The following POLB variants were observed in gnomAD, a reference collection of about 807,000 sequenced individuals.
The protein encoded by POLB is DNA polymerase beta, also known as 5'-dRP lyase.
In POLB, 37 loss-of-function variants were observed where a neutral mutation model predicts 52.7. The ratio of observed to expected loss-of-function variants is 0.70; its 90% CI spans 0.54 to 0.92. The LOEUF is 0.92. Ranked by LOEUF, POLB falls within the 40% of genes least tolerant of loss-of-function variation. POLB has a pLI of 0.00. For synonymous variants in POLB, 138 were observed against 131.3 expected, an observed-to-expected ratio of 1.05 and a Z score of -0.35; for missense variants, 313 against 400.8, an observed-to-expected ratio of 0.78 and a Z score of 1.87.
At chr8:42,365,403 T>C (rs1336581612) in intron 11 of POLB, among the ~76,000 whole-genome samples, 1 of 152,238 alleles carries the variant, frequency 6.6e-6, no homozygotes, top group African/African-American at 2.4e-5. Flanking sequence ...GGCTTGTGTA[T>C]GCCCCATGAA....
intron 11 of POLB, chr8:42,368,995 G>C: frequency 7.9e-6 from 2 of 252,580 alleles, no homozygotes; most frequent in Non-Finnish European, 7.5e-6. Context: ...TTCGTGTTCA[G>C]GGTTTTCTTT....
chr8:42,354,550 A>AT (rs951031485), intron 6 of POLB: 492 of 976,284 alleles, frequency 5.0e-4, no homozygotes, highest in Non-Finnish European at 6.3e-4. Context: ...TTTCAATGGA[A>AT]TTTTTTTTTG....
At chr8:42,342,906 G>A (rs906846579) in intron 2 of POLB, among the ~76,000 whole-genome samples, 1 of 152,130 alleles carries the variant, frequency 6.6e-6, no homozygotes, top group African/African-American at 2.4e-5. Context: ...AGCTATCCAA[G>A]GGCTGCGTGT....
At chr8:42,363,144 A>G (rs544205888) in intron 11 of POLB, among the ~76,000 whole-genome samples, 19 of 151,960 alleles carry the variant, frequency 1.3e-4, no homozygotes, top group Non-Finnish European at 2.1e-4. Context: ...AGAAAGAAAA[A>G]TAATCAGCAG....
intron 9 of POLB, 196 bp from the exon 10 acceptor site, chr8:42,361,099 C>A: frequency 1.4e-6 from 1 of 691,344 alleles, no homozygotes; most frequent in Non-Finnish European, 2.6e-6. Context: ...ATCACAGATT[C>A]TGCTGTCTAC....
In POLB at chr8:42,361,375, A is replaced by G; in HGVS notation, c.621+10A>G. Reference sequence around the variant, plus strand: ...AGAATCAACCAAACAGGTGCCTCAGAGTTTATAATCAATGGTGATCAGTCT... The same window carrying G: ...AGAATCAACCAAACAGGTGCCTCAGGGTTTATAATCAATGGTGATCAGTCT... On this transcript the variant is annotated intron_variant, in intron 10 of 13. Transcript: ENST00000265421. The G allele has an allele frequency of 6.4e-7, 1 of 1,566,474 alleles. No individual in the cohort carries two copies. Among genetic ancestry groups the G allele is most frequent in the Non-Finnish European group, 8.8e-7 (1 of 1,136,430 alleles).
chr8:42,361,719 TGAA>T (rs1585908216), intron 10 of POLB: 1 of 180,532 alleles, frequency 5.5e-6, no homozygotes, highest in East Asian at 1.6e-4. Context: ...AGAAAACCTG[TGAA>T]GGCAAAACAT....
At chr8:42,366,276 T>C (rs565555999) in intron 11 of POLB, among the ~76,000 whole-genome samples, 45 of 152,254 alleles carry the variant, frequency 3.0e-4, no homozygotes, top group African/African-American at 9.9e-4. Context: ...ATAGACCCTA[T>C]CTTGACTTCC....
intron 9 of POLB, among the ~76,000 whole-genome samples, chr8:42,358,305 A>G (rs913665237): frequency 6.6e-6 from 1 of 152,020 alleles, no homozygotes; most frequent in Non-Finnish European, 1.5e-5. Flanking sequence ...GATCGAGACT[A>G]TCCTGGCTAA....
chr8:42,362,227 T>G (rs3136777), intron 10 of POLB, among the ~76,000 whole-genome samples: 1,767 of 151,820 alleles, frequency 0.012, 30 homozygotes, highest in South Asian at 0.032. Flanking sequence ...GCCACTGCAC[T>G]CCAGCCTGGC....
chr8:42,338,904 A>G, intron 1 of POLB, 108 bp from the exon 2 acceptor site: 1 of 1,058,176 alleles, frequency 9.5e-7, no homozygotes, highest in Non-Finnish European at 1.5e-6. Flanking sequence ...CCCTTGGAGG[A>G]AACGGGTGGT....
At chr8:42,359,987 G>A (rs572567782) in intron 9 of POLB, among the ~76,000 whole-genome samples, 27 of 150,392 alleles carry the variant, frequency 1.8e-4, no homozygotes, top group South Asian at 6.4e-4. Context: ...TCGCTTTGTC[G>A]CCCAGGCTGG....
chr8:42,344,467 C>T (rs1448572016), intron 2 of POLB, among the ~76,000 whole-genome samples: 1 of 142,120 alleles, frequency 7.0e-6, no homozygotes. Flanking sequence ...AAAACTCCAT[C>T]TCAAAAAAAA....
intron 2 of POLB, among the ~76,000 whole-genome samples, chr8:42,344,727 A>G (rs1031223753): frequency 6.6e-6 from 1 of 151,974 alleles, no homozygotes; most frequent in Non-Finnish European, 1.5e-5. Flanking sequence ...AGGCAAGGGA[A>G]TCACTTGAAC....
chr8:42,369,792 A>AT (rs2130862477), intron 12 of POLB, 57 bp from the exon 13 acceptor site: 2 of 1,229,496 alleles, frequency 1.6e-6, no homozygotes, highest in East Asian at 4.7e-5. Context: ...GGAGTCCTAT[A>AT]TTTGCTAAAC....
At chr8:42,368,127 G>A (rs1364560351) in intron 11 of POLB, among the ~76,000 whole-genome samples, 1 of 152,136 alleles carries the variant, frequency 6.6e-6, no homozygotes, top group Non-Finnish European at 1.5e-5. Context: ...TTGAGGAAAG[G>A]AACAAAGCCA....
chr8:42,360,720 A>G (rs1356748337), intron 9 of POLB, among the ~76,000 whole-genome samples: 2 of 152,040 alleles, frequency 1.3e-5, no homozygotes, highest in Non-Finnish European at 2.9e-5. Context: ...ATTGAGTTCA[A>G]CCATAAGAAT....
At position 42,357,180 on chromosome 8, in the gene POLB, A is replaced by C; in HGVS notation, c.434A>C (p.Asp145Ala). The change falls in exon 8 of 14, where the codon GAC becomes GCC. Residue 145 changes from aspartate (D) to alanine (A), a missense_variant. Transcript: ENST00000265421. The part of the protein sequence containing the change: ...HQRIGLKYFG[D>A]FEKRIPREEM... Reference sequence around the variant, plus strand: ...TTCTGTCTTTATAGATATTTTGGGGACTTTGAAAAAAGAATTCCTCGTGAA... The same window carrying C: ...TTCTGTCTTTATAGATATTTTGGGGCCTTTGAAAAAAGAATTCCTCGTGAA... 6.5e-7 allele frequency: 1 copy of C among 1,536,562 alleles called. No homozygotes were observed. The highest frequency in any genetic ancestry group is 9.0e-7 in the Non-Finnish European group (1 of 1,111,050).
At chr8:42,359,087 A>G (rs1823510690) in intron 9 of POLB, among the ~76,000 whole-genome samples, 1 of 151,978 alleles carries the variant, frequency 6.6e-6, no homozygotes, top group Non-Finnish European at 1.5e-5. Flanking sequence ...CTTTCACATA[A>G]AAAGGTATAC....
Sources: allele counts gnomAD v4.1 joint callset (sites outside exome capture counted in the v4.1 genomes callset), GRCh38; gene constraint gnomAD v4.1.1; transcripts MANE v1.5; gene names NCBI Gene and HGNC (gene_info 2026-07-23, HGNC 2026-07-21).